Variants in FOXO1 observed in about 807,000 individuals in gnomAD.
The protein encoded by FOXO1 is forkhead box O1.
FOXO1 carries 6 observed loss-of-function variants against 44.1 expected under a neutral mutation model. The ratio of observed to expected loss-of-function variants is 0.14; its 90% CI spans 0.07 to 0.27. The LOEUF (loss-of-function observed/expected upper bound fraction) is 0.27. FOXO1 is among the 10% of genes least tolerant of loss of function. FOXO1 has a pLI of 1.00. For synonymous variants in FOXO1, 380 were observed against 362.7 expected (o/e 1.05, Z -0.54); for missense variants, 737 against 888.8 (o/e 0.83, Z 2.17).
chr13:40,658,162 C>T (rs1385499700), intron 1 of FOXO1, among the ~76,000 whole-genome samples: 1 of 152,158 alleles, frequency 6.6e-6, no homozygotes, highest in Non-Finnish European at 1.5e-5. Context: ...CTGACTTGAA[C>T]CTTGCACACT....
chr13:40,649,737 A>C (rs1384131097), intron 1 of FOXO1, among the ~76,000 whole-genome samples: 2 of 152,210 alleles, frequency 1.3e-5, no homozygotes, highest in Non-Finnish European at 2.9e-5. Context: ...ACTCACTTCA[A>C]ACATATACCC....
intron 1 of FOXO1, among the ~76,000 whole-genome samples, chr13:40,638,114 T>A (rs1199085404): frequency 2.0e-5 from 3 of 152,220 alleles, no homozygotes; most frequent in Admixed American, 6.5e-5. Flanking sequence ...TAGACTTCAG[T>A]GGCAGAAAGG....
chr13:40,585,323 A>G (rs1298177880), intron 1 of FOXO1, among the ~76,000 whole-genome samples: 1 of 137,494 alleles, frequency 7.3e-6, no homozygotes, highest in African/African-American at 3.3e-5. Flanking sequence ...TTAGTATGTA[A>G]GTATTTCCTC....
chr13:40,660,295 T>C (rs763049903), intron 1 of FOXO1, among the ~76,000 whole-genome samples: 14 of 152,264 alleles, frequency 9.2e-5, no homozygotes, highest in Middle Eastern at 3.4e-3. Flanking sequence ...CTATGTGGTA[T>C]TTACACTGCC....
At chr13:40,580,541 T>C (rs914814806) in intron 1 of FOXO1, among the ~76,000 whole-genome samples, 6 of 152,124 alleles carry the variant, frequency 3.9e-5, no homozygotes, top group Non-Finnish European at 8.8e-5. Flanking sequence ...CAACTTCCAT[T>C]CCAAAGCATT....
At chr13:40,611,157 T>C (rs1876214584) in intron 1 of FOXO1, 1 of 412,982 alleles carries the variant, frequency 2.4e-6, no homozygotes, top group African/African-American at 2.1e-5. Context: ...GAGCAATATA[T>C]TCTCAGAACA....
intron 1 of FOXO1, among the ~76,000 whole-genome samples, chr13:40,580,709 G>C (rs758456428): frequency 6.6e-6 from 1 of 152,128 alleles, no homozygotes; most frequent in African/African-American, 2.4e-5. Flanking sequence ...AGAAAACCCA[G>C]TGCTGGCATG....
rs1876553915 is a variant in FOXO1 at position 40,619,957 on chromosome 13, A to AT, written c.630+45625dup. ...AAGATTAGGGCCAATAAGATCTACT[A>AT]TAAGTAGCCGAAGCTGTTCACCAAT... On this transcript the variant is annotated intron_variant, in intron 1 of 2. Transcript: ENST00000379561. 4.4e-6 allele frequency: 3 copies of AT among 679,624 alleles called. No homozygotes were observed. The African/African-American group carries it at 5.3e-5, about 12-fold the overall frequency. The allele number at this position is 679,624 out of a possible 1,614,324, so 42.1% of individuals were successfully genotyped here. A position where few individuals can be genotyped will look rare whatever the true frequency, so the allele number is the denominator to read the frequency against.
chr13:40,613,663 T>A (rs1460893274), intron 1 of FOXO1, among the ~76,000 whole-genome samples: 4 of 152,216 alleles, frequency 2.6e-5, no homozygotes, highest in African/African-American at 9.6e-5. Context: ...GTTTAGTGGA[T>A]GATTACGGCG....
chr13:40,556,077 A>G lies in FOXO1; in HGVS notation c.*2972T>C, dbSNP rs1873737884. On this transcript the variant is annotated 3_prime_UTR_variant, in exon 3 of 3. Transcript: ENST00000379561. ...GAATGATTATTCCCAAACTAAAACC[A>G]GAAAAGAAACTTCTCTTTTAAAATT... is the stretch of plus-strand genomic sequence containing the variant. 6.6e-6 allele frequency: 1 copy of G among 152,370 alleles called. No individual in the cohort carries two copies. The highest frequency in any genetic ancestry group is 1.9e-4 in the East Asian group (1 of 5,194). The allele number at this position is 152,370 out of a possible 1,614,324, so 9.4% of individuals were successfully genotyped here. A position where few individuals can be genotyped will look rare whatever the true frequency, so the allele number is the denominator to read the frequency against.
chr13:40,563,202 G>A (rs916718265), intron 1 of FOXO1, among the ~76,000 whole-genome samples: 2 of 152,198 alleles, frequency 1.3e-5, no homozygotes, highest in African/African-American at 2.4e-5. Context: ...GACATGGGAC[G>A]CCCGGGCCCG....
intron 1 of FOXO1, among the ~76,000 whole-genome samples, chr13:40,585,007 AG>A (rs1875102786): frequency 6.6e-6 from 1 of 152,240 alleles, no homozygotes; most frequent in Admixed American, 6.5e-5. Context: ...ATTTAACAAG[AG>A]GAAGATGAAG....
chr13:40,625,549 T>A (rs571163492), intron 1 of FOXO1, among the ~76,000 whole-genome samples: 2 of 152,302 alleles, frequency 1.3e-5, no homozygotes, highest in East Asian at 1.9e-4. Flanking sequence ...AGGTTTTTTT[T>A]ACAATAATCC....
intron 1 of FOXO1, among the ~76,000 whole-genome samples, chr13:40,642,751 T>C (rs1293616623): frequency 6.6e-6 from 1 of 151,966 alleles, no homozygotes; most frequent in Non-Finnish European, 1.5e-5. Context: ...AAACACCGTC[T>C]CTACCAAAAA....
chr13:40,584,708 T>C (rs1875092135), intron 1 of FOXO1, among the ~76,000 whole-genome samples: 1 of 152,160 alleles, frequency 6.6e-6, no homozygotes, highest in Non-Finnish European at 1.5e-5. Context: ...GACAATAAGA[T>C]TTCTTGTCCT....
At chr13:40,604,384 C>CT (rs376293825) in intron 1 of FOXO1, among the ~76,000 whole-genome samples, 15,789 of 146,544 alleles carry the variant, frequency 0.11, 1,008 homozygotes, top group East Asian at 0.25. Context: ...GGTGTCAGAT[C>CT]TTTTTTTTTT....
At chr13:40,665,426 C>G (rs1466662753) in intron 1 of FOXO1, among the ~76,000 whole-genome samples, 157 bp downstream of exon 1, 1 of 143,792 alleles carries the variant, frequency 7.0e-6, no homozygotes, top group African/African-American at 3.0e-5. Flanking sequence ...CCCGACCGGA[C>G]CCGGGCGAGG....
chr13:40,639,438 A>G (rs1213387285), intron 1 of FOXO1, among the ~76,000 whole-genome samples: 9 of 152,246 alleles, frequency 5.9e-5, no homozygotes, highest in Non-Finnish European at 1.2e-4. Flanking sequence ...AAATAAAAAC[A>G]CTAGTAACTA....
intron 1 of FOXO1, among the ~76,000 whole-genome samples, chr13:40,641,915 G>A (rs7989165): frequency 0.097 from 14,725 of 152,132 alleles, 902 homozygotes; most frequent in East Asian, 0.24. Context: ...GAACCTAGGA[G>A]GCAGAGGTTG....
Sources: gnomAD v4.1 joint callset for allele counts (sites outside exome capture counted in the v4.1 genomes callset) on GRCh38, gnomAD v4.1.1 for gene constraint, MANE v1.5 for transcripts, NCBI Gene and HGNC (gene_info 2026-07-23, HGNC 2026-07-21) for gene names.